The following LGR6 variants were observed in gnomAD, a reference collection of about 807,000 sequenced individuals.
LGR6 encodes leucine-rich repeat-containing G protein-coupled receptor 6.
A neutral mutation model predicts 69.4 loss-of-function variants in LGR6; 45 were observed. The ratio of observed to expected loss-of-function variants is 0.65; its 90% CI spans 0.51 to 0.83. The LOEUF (loss-of-function observed/expected upper bound fraction) is 0.83, where lower values mean the gene tolerates loss of function less well. Ranked by LOEUF, LGR6 falls within the 40% of genes least tolerant of loss-of-function variation. The pLI, the probability that LGR6 is intolerant of heterozygous loss-of-function variation, is 0.00. For synonymous variants in LGR6, 538 were observed against 555.0 expected (o/e 0.97, Z 0.43); for missense variants, 1,108 against 1,246.7 (o/e 0.89, Z 1.68).
chr1:202,297,316 C>T (rs887390297), intron 6 of LGR6, among the ~76,000 whole-genome samples, 192 bp from the exon 7 acceptor site: 1 of 152,298 alleles, frequency 6.6e-6, no homozygotes, highest in South Asian at 2.1e-4. Flanking sequence ...GAAGATTCCA[C>T]GCCTGAGGAT....
chr1:202,248,300 T>C (rs1173771183), intron 4 of LGR6, among the ~76,000 whole-genome samples: 2 of 152,106 alleles, frequency 1.3e-5, no homozygotes, highest in Admixed American at 1.3e-4. Context: ...TGTCGCCCAG[T>C]GAATCAGTGG....
intron 4 of LGR6, among the ~76,000 whole-genome samples, chr1:202,238,070 C>T (rs1661746404): frequency 6.6e-6 from 1 of 151,164 alleles, no homozygotes. Context: ...TGATCCTCCG[C>T]CGTTTTTTTG....
chr1:202,237,713 G>C (rs1230577372), intron 4 of LGR6, among the ~76,000 whole-genome samples: 1 of 152,164 alleles, frequency 6.6e-6, no homozygotes, highest in Admixed American at 6.5e-5. Context: ...TCCTTTGCCT[G>C]GGTATAACAG....
chr1:202,214,497 C>T (rs1659632203), intron 1 of LGR6, among the ~76,000 whole-genome samples: 1 of 151,852 alleles, frequency 6.6e-6, no homozygotes, highest in African/African-American at 2.4e-5. Context: ...AGGCTGGTCC[C>T]CGCCCCCGGG....
chr1:202,236,653 G>A (rs1453758229), intron 4 of LGR6, among the ~76,000 whole-genome samples: 1 of 152,184 alleles, frequency 6.6e-6, no homozygotes, highest in African/African-American at 2.4e-5. Flanking sequence ...ACAGCCCAAG[G>A]CCTGGAACAC....
intron 1 of LGR6, among the ~76,000 whole-genome samples, chr1:202,199,999 G>A (rs750942333): frequency 2.7e-4 from 41 of 152,194 alleles, no homozygotes; most frequent in African/African-American, 8.4e-4. Context: ...GTGACAGGAC[G>A]GGGAGTTAGG....
intron 4 of LGR6, among the ~76,000 whole-genome samples, chr1:202,246,442 T>G: frequency 8.5e-6 from 1 of 117,712 alleles, no homozygotes; most frequent in Non-Finnish European, 1.7e-5. Context: ...CATCCATCCC[T>G]CCATGCATCC....
At chr1:202,310,061 A>G (rs1307386985) in intron 15 of LGR6, 136 bp from the exon 16 acceptor site, 8 of 827,680 alleles carry the variant, frequency 9.7e-6, no homozygotes, top group African/African-American at 6.8e-5. Flanking sequence ...CTGCCAGCAC[A>G]GTGAACAGGG....
In LGR6 at chr1:202,217,713, C is replaced by G. The variant is rs577299186; in HGVS notation, c.213-7710C>G. ...CTCCAGCTTCTCTTTTACTATCTTC[C>G]CCCACATCCTGTCCTCTCCATCACA... On this transcript the variant is annotated intron_variant, in intron 1 of 17. Transcript: ENST00000367278. 1.2e-4 allele frequency among the ~76,000 whole-genome samples: 19 copies of G among 152,238 alleles called. No individual in the cohort carries two copies. In the East Asian group the frequency reaches 3.5e-3, roughly 28 times the overall value.
intron 1 of LGR6, among the ~76,000 whole-genome samples, chr1:202,224,075 C>T (rs918402211): frequency 2.0e-5 from 3 of 152,132 alleles, no homozygotes; most frequent in Admixed American, 6.5e-5. Flanking sequence ...AAGGGCCCAA[C>T]GTCTGATAGG....
intron 1 of LGR6, among the ~76,000 whole-genome samples, chr1:202,204,828 CCTCGAAACACATG>C: frequency 2.7e-3 from 2 of 740 alleles, no homozygotes; most frequent in Admixed American, 0.014. Context: ...AAACACACAC[CCTCGAAACACATG>C]TCCTTCAAAC....
intron 6 of LGR6, 157 bp downstream of exon 6, chr1:202,281,009 C>T (rs1665963806): frequency 1.6e-6 from 1 of 612,974 alleles, no homozygotes; most frequent in African/African-American, 1.9e-5. Flanking sequence ...CTGGCACTTT[C>T]TCTGGAATAT....
intron 1 of LGR6, among the ~76,000 whole-genome samples, chr1:202,205,585 C>T (rs1571809945): frequency 6.8e-6 from 1 of 146,648 alleles, no homozygotes; most frequent in Non-Finnish European, 1.5e-5. Context: ...CACATACACA[C>T]CCTCCTTCAA....
chr1:202,194,115 G>T lies in LGR6; in HGVS notation c.126G>T (p.Gln42His), dbSNP rs775426943. ...CCTGCCCGGCCCCCTGCCACTGCCA[G>T]GAGGACGGCATCATGCTGTCTGCCG... is the stretch of plus-strand genomic sequence containing the variant. Reference protein sequence around the residue: ...PTACPAPCHCQEDGIMLSADC... With the variant: ...PTACPAPCHCHEDGIMLSADC... The change falls in exon 1 of 18, where the codon CAG (glutamine) becomes CAT (histidine). Residue 42 changes from glutamine to histidine, a missense_variant. Coordinates refer to ENST00000367278, the MANE Select transcript of LGR6 (RefSeq NM_001017403.2). 1.3e-6 allele frequency: 2 copies of T among 1,556,384 alleles called. No individual in the cohort carries two copies. Among genetic ancestry groups the T allele is most frequent in the Non-Finnish European group, 1.7e-6 (2 of 1,160,976 alleles).
intron 4 of LGR6, among the ~76,000 whole-genome samples, chr1:202,269,486 C>T (rs1200825447): frequency 6.6e-6 from 1 of 152,202 alleles, no homozygotes; most frequent in South Asian, 2.1e-4. Flanking sequence ...GAAAGGGATA[C>T]TTCAGGTACT....
chr1:202,281,478 A>G (rs1459322955), intron 6 of LGR6, among the ~76,000 whole-genome samples: 1 of 152,110 alleles, frequency 6.6e-6, no homozygotes, highest in East Asian at 1.9e-4. Flanking sequence ...AAACCCTCCC[A>G]TCATTTCCTG....
At chr1:202,218,023 ATAGC>A (rs1659900839) in intron 1 of LGR6, among the ~76,000 whole-genome samples, 1 of 152,210 alleles carries the variant, frequency 6.6e-6, no homozygotes. Context: ...CTCAAAGATG[ATAGC>A]TAGTATTCAA....
intron 6 of LGR6, among the ~76,000 whole-genome samples, chr1:202,289,557 G>A (rs918792780): frequency 1.3e-5 from 2 of 152,208 alleles, no homozygotes; most frequent in African/African-American, 4.8e-5. Context: ...GGTGGAAGGA[G>A]GGAGGTTGTA....
chr1:202,303,412 T>A, intron 10 of LGR6, 65 bp downstream of exon 10: 1 of 1,261,746 alleles, frequency 7.9e-7, no homozygotes, highest in Non-Finnish European at 1.2e-6. Flanking sequence ...GCTCTTCCAC[T>A]CCCTGCCCCT....
Sources: allele counts gnomAD v4.1 joint callset (sites outside exome capture counted in the v4.1 genomes callset), GRCh38; gene constraint gnomAD v4.1.1; transcripts MANE v1.5; gene names NCBI Gene and HGNC (gene_info 2026-07-23, HGNC 2026-07-21).